The following SIL1 variants were observed in gnomAD, a reference collection of about 807,000 sequenced individuals.
SIL1 encodes nucleotide exchange factor SIL1.
In SIL1, 40 loss-of-function variants were observed where a neutral mutation model predicts 49.1. The ratio of observed to expected loss-of-function variants is 0.81; its 90% CI spans 0.63 to 1.06. The LOEUF is 1.06. Ranked by LOEUF, SIL1 falls within the 50% of genes least tolerant of loss-of-function variation. The pLI, the probability that SIL1 is intolerant of heterozygous loss-of-function variation, is 0.00. For missense variants in SIL1, 500 were observed against 572.6 expected, an observed-to-expected ratio of 0.87 and a Z score of 1.29; for synonymous variants, 253 against 250.8, an observed-to-expected ratio of 1.01 and a Z score of -0.08.
At chr5:139,036,420 TG>T (rs1295826603) in intron 5 of SIL1, among the ~76,000 whole-genome samples, 1 of 152,218 alleles carries the variant, frequency 6.6e-6, no homozygotes, top group Non-Finnish European at 1.5e-5. Flanking sequence ...CCCCATTGCT[TG>T]TTTTTGTCAG....
intron 1 of SIL1, among the ~76,000 whole-genome samples, chr5:139,139,303 G>A (rs1196052988): frequency 3.3e-5 from 5 of 152,156 alleles, no homozygotes; most frequent in Admixed American, 1.3e-4. Flanking sequence ...CAGATACCAC[G>A]GTCAGGGTTC....
intron 1 of SIL1, among the ~76,000 whole-genome samples, chr5:139,137,083 G>A (rs538403356): frequency 1.2e-4 from 19 of 152,346 alleles, no homozygotes; most frequent in South Asian, 1.2e-3. Flanking sequence ...TAATAACTCC[G>A]CCATGGCGGA....
intron 3 of SIL1, chr5:139,107,912 T>G (rs1332690342): frequency 6.6e-6 from 1 of 152,188 alleles, no homozygotes; most frequent in Admixed American, 6.5e-5. Context: ...TCATTAATCT[T>G]TACTGTAATT....
At chr5:139,109,017 C>T (rs1405608618) in intron 3 of SIL1, among the ~76,000 whole-genome samples, 1 of 152,198 alleles carries the variant, frequency 6.6e-6, no homozygotes, top group African/African-American at 2.4e-5. Flanking sequence ...AATGCTCAGC[C>T]TTCCTTAGAA....
chr5:138,961,545 A>G (rs1325268946), intron 7 of SIL1, among the ~76,000 whole-genome samples: 2 of 151,822 alleles, frequency 1.3e-5, no homozygotes, highest in Non-Finnish European at 2.9e-5. Context: ...CACTCTCAAC[A>G]GTAGCTGCAC....
chr5:139,066,854 C>A (rs1452517381), intron 3 of SIL1, among the ~76,000 whole-genome samples: 1 of 152,136 alleles, frequency 6.6e-6, no homozygotes, highest in East Asian at 1.9e-4. Flanking sequence ...TACAAGCATG[C>A]ACACCACACC....
rs559834818 is a variant in SIL1, at chr5:139,098,172, C to A, written c.244+22863G>T. Among the ~76,000 whole-genome samples, 63 of 152,280 alleles carry A rather than the reference C, an allele frequency of 4.1e-4. 1 individual carries two copies. Among genetic ancestry groups the A allele is most frequent in the East Asian group, 3.9e-4 (2 of 5,186 alleles). On this transcript the variant is annotated intron_variant, in intron 3 of 9. Transcript: ENST00000394817. ...GCAAAAAGAACAAAACTGGAGGAAT[C>A]ACATTACCTGACTTCAAATTATACT...
At chr5:138,967,094 C>G (rs1225971234) in intron 7 of SIL1, among the ~76,000 whole-genome samples, 1 of 152,196 alleles carries the variant, frequency 6.6e-6, no homozygotes, top group Non-Finnish European at 1.5e-5. Context: ...TTTCTGAGAG[C>G]TGGACCCAGT....
chr5:139,188,220 G>A (rs370923010), intron 1 of SIL1, among the ~76,000 whole-genome samples: 1 of 152,202 alleles, frequency 6.6e-6, no homozygotes, highest in Non-Finnish European at 1.5e-5. Flanking sequence ...GGTATATAGT[G>A]TCCTGGAGGA....
chr5:139,004,990 G>T (rs1297004327), intron 7 of SIL1, among the ~76,000 whole-genome samples: 1 of 152,154 alleles, frequency 6.6e-6, no homozygotes, highest in Non-Finnish European at 1.5e-5. Flanking sequence ...TGGGGCAGGG[G>T]AGTATTGAGA....
At chr5:139,009,895 AT>A in intron 7 of SIL1, among the ~76,000 whole-genome samples, 1 of 147,594 alleles carries the variant, frequency 6.8e-6, no homozygotes, top group Middle Eastern at 3.5e-3. Flanking sequence ...TGCCCTTAAC[AT>A]TTTTTCCTTC....
intron 2 of SIL1, among the ~76,000 whole-genome samples, chr5:139,125,793 C>T (rs1018542295): frequency 3.3e-5 from 5 of 152,182 alleles, no homozygotes; most frequent in Admixed American, 2.0e-4. Context: ...CTACTGTACC[C>T]GCCTCATTGT....
intron 1 of SIL1, among the ~76,000 whole-genome samples, chr5:139,173,594 G>A (rs1751818030): frequency 2.0e-5 from 3 of 151,194 alleles, no homozygotes; most frequent in Admixed American, 2.0e-4. Context: ...AACTTACACG[G>A]GACACAGCAA....
At chr5:139,104,154 CT>C (rs1466825976) in intron 3 of SIL1, among the ~76,000 whole-genome samples, 1 of 152,208 alleles carries the variant, frequency 6.6e-6, no homozygotes, top group Non-Finnish European at 1.5e-5. Context: ...AGCTCAGGAC[CT>C]TTCACTCTGC....
chr5:139,036,566 G>A (rs960504401), intron 5 of SIL1, among the ~76,000 whole-genome samples: 1 of 152,116 alleles, frequency 6.6e-6, no homozygotes, highest in Non-Finnish European at 1.5e-5. Flanking sequence ...TGGAGCTGGA[G>A]GCCATTATTC....
chr5:139,111,203 CA>C (rs1770830919), intron 3 of SIL1, among the ~76,000 whole-genome samples: 1 of 152,156 alleles, frequency 6.6e-6, no homozygotes, highest in African/African-American at 2.4e-5. Context: ...AGCAGAAGAC[CA>C]CCCTCAGCTT....
chr5:139,189,817 T>C (rs1208308693), intron 1 of SIL1, among the ~76,000 whole-genome samples: 1 of 152,110 alleles, frequency 6.6e-6, no homozygotes, highest in Non-Finnish European at 1.5e-5. Context: ...TGAGACTCTG[T>C]CTCAAAAATA....
intron 3 of SIL1, among the ~76,000 whole-genome samples, chr5:139,104,114 G>A (rs1194413963): frequency 6.6e-6 from 1 of 152,236 alleles, no homozygotes; most frequent in African/African-American, 2.4e-5. Flanking sequence ...CTCTCCCTGT[G>A]TGTCAGCCTC....
At chr5:138,992,796 A>C (rs1398082207) in intron 7 of SIL1, among the ~76,000 whole-genome samples, 1 of 152,132 alleles carries the variant, frequency 6.6e-6, no homozygotes, top group Non-Finnish European at 1.5e-5. Context: ...GGTGCACCAA[A>C]ATCTCAGAAA....
Sources: allele counts gnomAD v4.1 joint callset (sites outside exome capture counted in the v4.1 genomes callset), GRCh38; gene constraint gnomAD v4.1.1; transcripts MANE v1.5; gene names NCBI Gene and HGNC (gene_info 2026-07-23, HGNC 2026-07-21).